Variants in MBNL1 observed in about 807,000 individuals in gnomAD.
MBNL1 encodes the protein muscleblind like splicing regulator 1, also known as muscleblind-like protein 1.
MBNL1 carries 8 observed loss-of-function variants against 42.2 expected under a neutral mutation model. The ratio of observed to expected loss-of-function variants is 0.19; its 90% CI spans 0.11 to 0.34. The LOEUF is 0.34. MBNL1 is among the 10% of genes least tolerant of loss of function. The probability of loss-of-function intolerance (pLI) is 1.00; values close to 1 mark genes in which losing one functional copy is unlikely to be tolerated. For synonymous variants in MBNL1, 169 were observed against 173.9 expected (o/e 0.97, Z 0.22); for missense variants, 309 against 495.3 (o/e 0.62, Z 3.57).
chr3:152,346,961 T>A (rs1203205509), intron 2 of MBNL1, among the ~76,000 whole-genome samples: 4 of 151,602 alleles, frequency 2.6e-5, no homozygotes, highest in Non-Finnish European at 5.9e-5. Context: ...GGAGGATCGC[T>A]TGAGTCCAGA....
intron 2 of MBNL1, among the ~76,000 whole-genome samples, chr3:152,373,607 C>T (rs549378600): frequency 1.3e-5 from 2 of 152,212 alleles, no homozygotes; most frequent in South Asian, 4.1e-4. Flanking sequence ...GTGATGCACC[C>T]CCCCTGCTTT....
chr3:152,461,965 CTTGT>C (rs1746837323), intron 9 of MBNL1, among the ~76,000 whole-genome samples: 1 of 151,918 alleles, frequency 6.6e-6, no homozygotes, highest in Non-Finnish European at 1.5e-5. Flanking sequence ...AAGAATAAAT[CTTGT>C]TTAATAGAAC....
chr3:152,433,537 A>T (rs2055359), intron 4 of MBNL1, among the ~76,000 whole-genome samples: 74,661 of 151,484 alleles, frequency 0.49, 18,784 homozygotes, highest in Middle Eastern at 0.61. Flanking sequence ...GATCACGAGG[A>T]CAGGAGATCG....
rs1411736246 is a variant in MBNL1, at chr3:152,463,868, A to C, written c.*1502A>C. 6.6e-6 allele frequency: 1 copy of C among 152,554 alleles called. No homozygotes were observed. Among genetic ancestry groups the C allele is most frequent in the Non-Finnish European group, 1.5e-5 (1 of 67,956 alleles). 9.5% of individuals were successfully genotyped at this position (152,554 alleles called of 1,614,324 possible). ...GTTATAGTATGGAATGGGAGAAGTGAAAGTTCAGTTATAGAACTTTCCATA... is the reference window on the plus strand; with the variant it reads ...GTTATAGTATGGAATGGGAGAAGTGCAAGTTCAGTTATAGAACTTTCCATA... On this transcript the variant is annotated 3_prime_UTR_variant, in exon 10 of 10. Transcript: ENST00000324210.
At chr3:152,278,959 A>G (rs2046872642) in intron 1 of MBNL1, among the ~76,000 whole-genome samples, 1 of 152,138 alleles carries the variant, frequency 6.6e-6, no homozygotes, top group Admixed American at 6.6e-5. Flanking sequence ...AAAGGAGGAA[A>G]CTGAAAGAGG....
intron 4 of MBNL1, among the ~76,000 whole-genome samples, chr3:152,443,763 T>G (rs915609609): frequency 1.3e-5 from 2 of 152,190 alleles, no homozygotes; most frequent in African/African-American, 4.8e-5. Flanking sequence ...ACCAGAATCT[T>G]GAATAACTTT....
At chr3:152,256,210 G>A (rs2035428183) in intron 2 of MBNL1, among the ~76,000 whole-genome samples, 1 of 152,126 alleles carries the variant, frequency 6.6e-6, no homozygotes, top group South Asian at 2.1e-4. Flanking sequence ...GTGAATTTTA[G>A]ATAAGCCAAG....
intron 3 of MBNL1, among the ~76,000 whole-genome samples, chr3:152,424,750 A>G (rs1260034666): frequency 6.6e-6 from 1 of 152,192 alleles, no homozygotes; most frequent in Non-Finnish European, 1.5e-5. Context: ...GGAACAGAAC[A>G]GAGGCCTCAG....
At chr3:152,423,488 G>A (rs948754984) in intron 3 of MBNL1, among the ~76,000 whole-genome samples, 8 of 152,098 alleles carry the variant, frequency 5.3e-5, no homozygotes, top group East Asian at 1.9e-4. Context: ...ATTCACAGGC[G>A]AATTCTACCA....
At chr3:152,432,974 G>T in intron 4 of MBNL1, 54 bp downstream of exon 4, 2 of 1,516,018 alleles carry the variant, frequency 1.3e-6, no homozygotes, top group South Asian at 1.2e-5. Context: ...CTCAAAGTGT[G>T]GTTTTTTGTT....
intron 4 of MBNL1, among the ~76,000 whole-genome samples, chr3:152,441,687 T>C (rs1444183670): frequency 6.6e-6 from 1 of 152,260 alleles, no homozygotes; most frequent in Non-Finnish European, 1.5e-5. Context: ...CATTGTCAAA[T>C]CTTGCCTTAG....
intron 2 of MBNL1, among the ~76,000 whole-genome samples, chr3:152,339,031 C>G (rs1047118075): frequency 6.6e-6 from 1 of 151,624 alleles, no homozygotes. Context: ...TTTCAAATAC[C>G]GATGTTTTAT....
intron 1 of MBNL1, among the ~76,000 whole-genome samples, chr3:152,281,552 A>G (rs887787870): frequency 1.3e-5 from 2 of 151,962 alleles, no homozygotes; most frequent in African/African-American, 4.8e-5. Flanking sequence ...TATTAGTTCT[A>G]CTCATACCTA....
chr3:152,297,405 G>A (rs932562179), intron 1 of MBNL1, among the ~76,000 whole-genome samples: 15 of 148,806 alleles, frequency 1.0e-4, no homozygotes, highest in Admixed American at 5.4e-4. Flanking sequence ...GTGCAGTGGC[G>A]CAATCTCGGC....
chr3:152,354,292 A>T (rs1448586103), intron 2 of MBNL1, among the ~76,000 whole-genome samples: 1 of 152,030 alleles, frequency 6.6e-6, no homozygotes, highest in African/African-American at 2.4e-5. Context: ...CTGTCTCTAA[A>T]AATAATAATA....
Position 152,383,424 on chromosome 3 carries a change from T to G in MBNL1, c.175-31517T>G, listed in dbSNP as rs567891389. 2.6e-5 allele frequency among the ~76,000 whole-genome samples: 4 copies of G among 152,210 alleles called. No individual in the cohort carries two copies. In the East Asian group the frequency reaches 7.7e-4, roughly 29 times the overall value. On this transcript the variant is annotated intron_variant, in intron 2 of 9. Coordinates refer to ENST00000324210, the MANE Select transcript of MBNL1 (RefSeq NM_021038.5). The stretch of plus-strand genomic sequence containing the variant: ...GCCTCACCACAGTTTAAGAGCTGTT[T>G]ATATGCATTGTACAGAGCCCAAGGG...
chr3:152,300,988 T>A (rs1289015151), intron 2 of MBNL1: 1 of 880,798 alleles, frequency 1.1e-6, no homozygotes, highest in African/African-American at 1.8e-5. Context: ...GTTATATAAA[T>A]AAGTAGAAAC....
intron 2 of MBNL1, among the ~76,000 whole-genome samples, chr3:152,315,915 G>A (rs912579900): frequency 7.9e-5 from 12 of 151,666 alleles, no homozygotes; most frequent in Admixed American, 2.6e-4. Context: ...ACACATATGC[G>A]CGCGCACACA....
At chr3:152,273,475 C>T (rs1467763525) in intron 1 of MBNL1, among the ~76,000 whole-genome samples, 1 of 151,390 alleles carries the variant, frequency 6.6e-6, no homozygotes. Context: ...AGAGAGGCAT[C>T]TCATCATATG....
Sources: gnomAD v4.1 joint callset for allele counts (sites outside exome capture counted in the v4.1 genomes callset) on GRCh38, gnomAD v4.1.1 for gene constraint, MANE v1.5 for transcripts, NCBI Gene and HGNC (gene_info 2026-07-23, HGNC 2026-07-21) for gene names.